Variants in TAMM41 observed in about 807,000 individuals in gnomAD.
TAMM41 encodes the protein TAM41 mitochondrial translocator assembly and maintenance homolog, also known as phosphatidate cytidylyltransferase, mitochondrial.
Under a neutral mutation model 44.1 loss-of-function variants are expected in TAMM41, and 36 were observed. The ratio of observed to expected loss-of-function variants is 0.82; its 90% confidence interval spans 0.63 to 1.08. The LOEUF (loss-of-function observed/expected upper bound fraction) is 1.08. TAMM41 is among the 50% of genes least tolerant of loss of function. The pLI, the probability that TAMM41 is intolerant of heterozygous loss-of-function variation, is 0.00. For synonymous variants in TAMM41, 164 were observed against 153.1 expected (o/e 1.07, Z -0.53); for missense variants, 417 against 404.3 (o/e 1.03, Z -0.27).
intron 7 of TAMM41, among the ~76,000 whole-genome samples, chr3:11,798,787 G>C (rs899920296): frequency 1.3e-5 from 2 of 152,112 alleles, no homozygotes; most frequent in African/African-American, 4.8e-5. Flanking sequence ...TGGAGACCTG[G>C]GCCAGGGGCT....
At chr3:11,789,543 G>A (rs1193881487), downstream of TAMM41, among the ~76,000 whole-genome samples, 1 of 152,174 alleles carries the variant, frequency 6.6e-6, no homozygotes, top group Non-Finnish European at 1.5e-5. Flanking sequence ...TCTGAAGCCT[G>A]TGAGCCTGAG....
chr3:11,729,510 T>C, the TAMM41 span, among the ~76,000 whole-genome samples: 7 of 141,600 alleles, frequency 4.9e-5, no homozygotes, highest in African/African-American at 1.0e-4. Flanking sequence ...TTTTTCTTTC[T>C]TTCTTTCTTT....
At chr3:11,762,710 T>A in the TAMM41 span, among the ~76,000 whole-genome samples, 3 of 152,206 alleles carry the variant, frequency 2.0e-5, no homozygotes, top group Non-Finnish European at 4.4e-5. Flanking sequence ...ACAAACATCA[T>A]GGCCAAAGAA....
chr3:11,841,424 A>C (rs555810470), intron 2 of TAMM41, among the ~76,000 whole-genome samples: 1 of 152,178 alleles, frequency 6.6e-6, no homozygotes, highest in South Asian at 2.1e-4. Context: ...AATCCTGTAG[A>C]TTTCCCAGGT....
the TAMM41 span, among the ~76,000 whole-genome samples, chr3:11,748,380 T>A: frequency 6.6e-6 from 1 of 151,874 alleles, no homozygotes; most frequent in Non-Finnish European, 1.5e-5. Context: ...CCTCCCAGGT[T>A]CAAACAATTC....
At chr3:11,786,489 G>C (rs2077418896), downstream of TAMM41, among the ~76,000 whole-genome samples, 1 of 151,302 alleles carries the variant, frequency 6.6e-6, no homozygotes, top group African/African-American at 2.4e-5. Flanking sequence ...ATTTTTAGTA[G>C]AGATGGGGTT....
chr3:11,791,123 C>G (rs1575596412), intron 7 of TAMM41, among the ~76,000 whole-genome samples: 1 of 152,238 alleles, frequency 6.6e-6, no homozygotes, highest in Non-Finnish European at 1.5e-5. Context: ...ACTCAACACA[C>G]TGTGCAGTAC....
At chr3:11,754,718 T>C in the TAMM41 span, among the ~76,000 whole-genome samples, 4 of 145,708 alleles carry the variant, frequency 2.7e-5, no homozygotes, top group Non-Finnish European at 6.0e-5. Context: ...CTTTTTTTTT[T>C]TTTTTTTTTT....
At chr3:11,775,050 A>C in the TAMM41 span, among the ~76,000 whole-genome samples, 5 of 152,072 alleles carry the variant, frequency 3.3e-5, no homozygotes, top group African/African-American at 1.2e-4. Flanking sequence ...TTGTATTTTT[A>C]GTAGAGATGG....
rs139131628 is a variant in TAMM41, at chr3:11,809,577, C to A, written c.814G>T (p.Val272Leu). 17 of 1,614,008 alleles carry A rather than the reference C, an allele frequency of 1.1e-5. No homozygotes were observed. Among genetic ancestry groups the A allele is most frequent in the Admixed American group, 8.3e-5 (5 of 60,000 alleles). ...GCCACTTGGAATAAAGTTTCTTCCA[C>A]ATCTCTGTTTTTTCCAGGAGGGTCC... ...IMDPPGKNRDVEETLFQVAHD... is the reference protein window; with the variant it reads ...IMDPPGKNRDLEETLFQVAHD... The change falls in exon 6 of 8, where the codon GTG becomes TTG. Residue 272 changes from valine to leucine, a missense_variant. By Grantham distance (32) the Val-to-Leu change is conservative (BLOSUM62 1). Transcript: ENST00000455809.
intron 4 of TAMM41, among the ~76,000 whole-genome samples, chr3:11,821,952 G>C (rs78902575): frequency 6.6e-6 from 1 of 152,100 alleles, no homozygotes; most frequent in Non-Finnish European, 1.5e-5. Flanking sequence ...GCAGTGAGTC[G>C]CACATATTAT....
intron 5 of TAMM41, among the ~76,000 whole-genome samples, chr3:11,814,037 G>T (rs2078192853): frequency 6.6e-6 from 1 of 151,078 alleles, no homozygotes; most frequent in Non-Finnish European, 1.5e-5. Context: ...AATCAGCTGG[G>T]CATAGTGGCA....
At chr3:11,728,365 G>A in the TAMM41 span, among the ~76,000 whole-genome samples, 146 of 152,238 alleles carry the variant, frequency 9.6e-4, 1 homozygote, top group African/African-American at 3.4e-3. Flanking sequence ...CCCACATCTG[G>A]GTGCCAAGTC....
intron 2 of TAMM41, among the ~76,000 whole-genome samples, chr3:11,842,352 C>T (rs957754978): frequency 4.1e-5 from 6 of 147,030 alleles, no homozygotes; most frequent in African/African-American, 1.3e-4. Context: ...AGAGATCGCA[C>T]CATTGCACTC....
intron 7 of TAMM41, among the ~76,000 whole-genome samples, chr3:11,797,904 A>G (rs550690907): frequency 6.6e-6 from 1 of 152,338 alleles, no homozygotes; most frequent in East Asian, 1.9e-4. Context: ...AAAGCTCAAC[A>G]TGACTGACTG....
chr3:11,804,890 G>C (rs1296211910), intron 7 of TAMM41, among the ~76,000 whole-genome samples: 1 of 150,366 alleles, frequency 6.7e-6, no homozygotes, highest in Non-Finnish European at 1.5e-5. Context: ...TTTGAGACAG[G>C]GTCTCACTCT....
the TAMM41 span, among the ~76,000 whole-genome samples, chr3:11,764,486 CTTTT>C: frequency 0.013 from 904 of 68,082 alleles, 14 homozygotes; most frequent in African/African-American, 0.059. Context: ...TAATCTTATT[CTTTT>C]TTTTTTTTTT....
At chr3:11,801,333 T>C (rs1324521723) in intron 7 of TAMM41, among the ~76,000 whole-genome samples, 1 of 146,026 alleles carries the variant, frequency 6.8e-6, no homozygotes, top group Non-Finnish European at 1.5e-5. Flanking sequence ...TGAAGATTTT[T>C]TTCCCCTGAG....
chr3:11,725,365 TCTC>T, the TAMM41 span, among the ~76,000 whole-genome samples: 4 of 136,150 alleles, frequency 2.9e-5, no homozygotes, highest in Admixed American at 7.3e-5. Context: ...TTTTTCTTCT[TCTC>T]CTCCTCCTCT....
Sources: allele counts gnomAD v4.1 joint callset (sites outside exome capture counted in the v4.1 genomes callset), GRCh38; gene constraint gnomAD v4.1.1; transcripts MANE v1.5; gene names NCBI Gene and HGNC (gene_info 2026-07-23, HGNC 2026-07-21).